DOCK1: variants seen among roughly 807,000 people sequenced by gnomAD.
The protein encoded by DOCK1 is dedicator of cytokinesis protein 1.
In DOCK1, 138 loss-of-function variants were observed where a neutral mutation model predicts 262.7. The observed-to-expected ratio is 0.53, with a 90% CI of 0.46 to 0.61. The LOEUF is 0.61. Among genes scored for constraint, DOCK1 ranks in the 20% least tolerant of loss-of-function variants. DOCK1 has a pLI of 0.00. For synonymous variants in DOCK1, 866 were observed against 867.4 expected, an observed-to-expected ratio of 1.00 and a Z score of 0.03; for missense variants, 1,908 against 2,370.7, an observed-to-expected ratio of 0.80 and a Z score of 4.05.
chr10:127,451,218 G>T, intron 51 of DOCK1, 114 bp from the exon 52 acceptor site: 2 of 1,182,186 alleles, frequency 1.7e-6, no homozygotes, highest in Non-Finnish European at 1.2e-6. Flanking sequence ...CAACTCATGT[G>T]GGGAGGATGG....
At chr10:126,979,478 A>T (rs553380619) in intron 3 of DOCK1, among the ~76,000 whole-genome samples, 1 of 152,310 alleles carries the variant, frequency 6.6e-6, no homozygotes, top group Admixed American at 6.5e-5. Flanking sequence ...TCACATTCCT[A>T]CATAGGACAC....
intron 25 of DOCK1, among the ~76,000 whole-genome samples, chr10:127,123,173 GC>G (rs768030972): frequency 1.3e-4 from 20 of 152,326 alleles, no homozygotes; most frequent in Non-Finnish European, 1.8e-4. Flanking sequence ...CGGCTTCTAA[GC>G]TTATGTAGTC....
intron 40 of DOCK1, 41 bp downstream of exon 40, chr10:127,404,470 C>G: frequency 1.3e-6 from 2 of 1,578,628 alleles, no homozygotes; most frequent in Middle Eastern, 1.7e-4. Flanking sequence ...TGATTGTTCC[C>G]CCAGCAGAAA....
chr10:126,905,534 C>A lies in DOCK1; in HGVS notation c.17C>A (p.Pro6His). 3.9e-6 allele frequency: 2 copies of A among 515,444 alleles called. No homozygotes were observed. Among genetic ancestry groups the A allele is most frequent in the South Asian group, 2.5e-5 (1 of 39,730 alleles). The allele number at this position is 515,444 out of a possible 1,614,324, so 31.9% of individuals were successfully genotyped here. Reference sequence around the variant, plus strand: ...GGCGGCGCCATGACGCGCTGGGTGCCCACCAAGCGCGAGGAGAAGTACGGC... The same window carrying A: ...GGCGGCGCCATGACGCGCTGGGTGCACACCAAGCGCGAGGAGAAGTACGGC... MTRWV[P>H]TKREEKYGVA... The change falls in exon 1 of 52, where the codon CCC becomes CAC. Residue 6 changes from proline (P) to histidine (H), a missense_variant. Pro to His is a moderately conservative substitution (Grantham distance 77). Transcript: ENST00000623213.
intron 1 of DOCK1, among the ~76,000 whole-genome samples, chr10:126,969,698 A>G (rs897447140): frequency 1.3e-5 from 2 of 152,176 alleles, no homozygotes; most frequent in Admixed American, 1.3e-4. Flanking sequence ...GTACCCAAAG[A>G]TGTGGGCTGG....
chr10:126,906,060 C>A (rs1183205072), intron 1 of DOCK1, among the ~76,000 whole-genome samples: 2 of 152,000 alleles, frequency 1.3e-5, no homozygotes, highest in Non-Finnish European at 2.9e-5. Flanking sequence ...TCCGCCCTTT[C>A]CCGGCGGGGA....
chr10:126,905,949 G>A (rs1490296328), intron 1 of DOCK1, among the ~76,000 whole-genome samples: 1 of 152,108 alleles, frequency 6.6e-6, no homozygotes, highest in Non-Finnish European at 1.5e-5. Flanking sequence ...GAAGCCCAGG[G>A]GTCACTGTCT....
chr10:127,242,070 A>C (rs982491023), intron 27 of DOCK1, among the ~76,000 whole-genome samples: 1 of 152,174 alleles, frequency 6.6e-6, no homozygotes, highest in African/African-American at 2.4e-5. Context: ...CCTTGAGGGC[A>C]GTTGGTACCC....
rs1242023603 is a variant in DOCK1 at position 127,392,182 on chromosome 10, C to T, written c.3927+7273C>T. ...CCTTCTGGGCATATTTCACTGCTCT[C>T]AAACTTTCGTGGCTTTTGGAGTTCA... On this transcript the variant is annotated intron_variant, in intron 38 of 51. Coordinates refer to ENST00000623213, the MANE Select transcript of DOCK1 (RefSeq NM_001290223.2). Among the ~76,000 whole-genome samples, 32 of 151,930 alleles carry T rather than the reference C, an allele frequency of 2.1e-4. 1 individual carries two copies. The highest frequency in any genetic ancestry group is 1.5e-5 in the Non-Finnish European group (1 of 68,004).
intron 29 of DOCK1, among the ~76,000 whole-genome samples, chr10:127,278,993 C>G (rs2060846397): frequency 6.6e-6 from 1 of 152,214 alleles, no homozygotes; most frequent in Non-Finnish European, 1.5e-5. Flanking sequence ...ACACACAGTG[C>G]CATGAACAGT....
rs779414287 is a variant in DOCK1 at position 127,418,412 on chromosome 10, G to A, written c.4563G>A (p.Thr1521=). 69 of 1,613,640 alleles carry A rather than the reference G, an allele frequency of 4.3e-5. No homozygotes were observed. Among genetic ancestry groups the A allele is most frequent in the Admixed American group, 6.7e-5 (4 of 59,970 alleles). Residue 1521 remains threonine, a synonymous_variant, in exon 45 of 52, where the codon ACG becomes ACA. Coordinates refer to ENST00000623213, the MANE Select transcript of DOCK1 (RefSeq NM_001290223.2). ...ATGCCATTGAGACCATGCAGCTGAC[G>A]AACGACAAGATCAACAGCATGGTGC... The part of the protein sequence containing the change: ...LENAIETMQL[T]NDKINSMVQQ...
At chr10:127,082,311 A>C (rs185206706) in intron 23 of DOCK1, among the ~76,000 whole-genome samples, 1 of 152,232 alleles carries the variant, frequency 6.6e-6, no homozygotes, top group Admixed American at 6.5e-5. Context: ...GTATTAGTCT[A>C]TTCTCACGCT....
At chr10:126,986,816 A>G (rs1433712790) in intron 4 of DOCK1, among the ~76,000 whole-genome samples, 1 of 152,188 alleles carries the variant, frequency 6.6e-6, no homozygotes, top group Non-Finnish European at 1.5e-5. Flanking sequence ...AGGCTGAAGC[A>G]GGAGAATCGC....
At chr10:127,424,214 A>T (rs1015338046) in intron 46 of DOCK1, among the ~76,000 whole-genome samples, 1 of 152,182 alleles carries the variant, frequency 6.6e-6, no homozygotes, top group Non-Finnish European at 1.5e-5. Flanking sequence ...TCAGAAGGTT[A>T]TTTCCCATCA....
At chr10:127,261,810 G>GT (rs2060147233) in intron 29 of DOCK1, among the ~76,000 whole-genome samples, 19 of 88,600 alleles carry the variant, frequency 2.1e-4, no homozygotes, top group African/African-American at 7.7e-4. Flanking sequence ...TGTGGGTGTG[G>GT]GTGTGTACCT....
chr10:127,138,953 G>A (rs2050961760), intron 27 of DOCK1, among the ~76,000 whole-genome samples: 1 of 152,164 alleles, frequency 6.6e-6, no homozygotes, highest in African/African-American at 2.4e-5. Context: ...AGGACCCCCG[G>A]TCCATGCATC....
chr10:127,121,594 C>T (rs2049583793), intron 25 of DOCK1, among the ~76,000 whole-genome samples: 1 of 152,014 alleles, frequency 6.6e-6, no homozygotes, highest in Non-Finnish European at 1.5e-5. Context: ...AACGTGTACT[C>T]CCACCACTTC....
At chr10:127,276,033 A>G (rs1490764809) in intron 29 of DOCK1, among the ~76,000 whole-genome samples, 1 of 152,222 alleles carries the variant, frequency 6.6e-6, no homozygotes, top group African/African-American at 2.4e-5. Flanking sequence ...AGAGTCTAAA[A>G]CGATAGATTG....
chr10:127,220,991 C>G (rs769070183), intron 27 of DOCK1, among the ~76,000 whole-genome samples: 8 of 152,150 alleles, frequency 5.3e-5, no homozygotes, highest in Non-Finnish European at 1.0e-4. Flanking sequence ...GTGCACTCAC[C>G]AGTTTAGATG....
Sources: allele counts gnomAD v4.1 joint callset (sites outside exome capture counted in the v4.1 genomes callset), GRCh38; gene constraint gnomAD v4.1.1; transcripts MANE v1.5; gene names NCBI Gene and HGNC (gene_info 2026-07-23, HGNC 2026-07-21).